IL1RAPL2: variants seen among roughly 807,000 people sequenced by gnomAD.
IL1RAPL2 encodes the protein interleukin 1 receptor accessory protein like 2, also known as X-linked interleukin-1 receptor accessory protein-like 2.
A neutral mutation model predicts 44.1 loss-of-function variants in IL1RAPL2; 3 were observed. The observed-to-expected ratio is 0.07, with a 90% confidence interval of 0.03 to 0.18. IL1RAPL2 has a LOEUF of 0.18. Among genes scored for constraint, IL1RAPL2 ranks in the 10% least tolerant of loss-of-function variants. IL1RAPL2 has a pLI of 1.00. For missense variants in IL1RAPL2, 391 were observed against 496.4 expected (o/e 0.79, Z 2.02); for synonymous variants, 181 against 178.8 (o/e 1.01, Z -0.10).
intron 6 of IL1RAPL2, among the ~76,000 whole-genome samples, chrX:105,550,705 T>C (rs1440610780): frequency 9.0e-6 from 1 of 111,305 alleles, no homozygotes; most frequent in Non-Finnish European, 1.9e-5. Context: ...AGAAAAGAGA[T>C]TTTTTAAATG....
rs1236121795 is a variant in IL1RAPL2 at position 104,851,392 on chromosome X, G to T, written c.82+192397G>T. 2.7e-5 allele frequency among the ~76,000 whole-genome samples: 3 copies of T among 111,698 alleles called. No individual in the cohort carries two copies. The East Asian group carries it at 8.4e-4, about 31-fold the overall frequency. ...TAAACTAGAGTTCTCAAACCAGAAG[G>T]ATCCTTGTCTTTATATCAGAAAGTG... On this transcript the variant is annotated intron_variant, in intron 2 of 10. Coordinates refer to ENST00000372582, the MANE Select transcript of IL1RAPL2 (RefSeq NM_017416.2).
At chrX:105,388,576 G>C (rs1416601827) in intron 5 of IL1RAPL2, among the ~76,000 whole-genome samples, 2 of 110,182 alleles carry the variant, frequency 1.8e-5, no homozygotes, top group Admixed American at 9.8e-5. Flanking sequence ...AGAAAAAGGA[G>C]AGACAGAGCA....
rs1399291411 is a variant in IL1RAPL2, at chrX:104,947,680, T to A, written c.83-247795T>A. ...ACCATTTATTAAATAGGGAATCCTT[T>A]CCCCATTTCTTGTTTTTGTCAGGTT... On this transcript the variant is annotated intron_variant, in intron 2 of 10. Transcript: ENST00000372582. Among the ~76,000 whole-genome samples, 9 of 110,678 alleles carry A rather than the reference T, an allele frequency of 8.1e-5. No individual in the cohort carries two copies. The East Asian group carries it at 2.6e-3, about 32-fold the overall frequency.
intron 5 of IL1RAPL2, among the ~76,000 whole-genome samples, chrX:105,363,933 T>C (rs2035273240): frequency 9.0e-6 from 1 of 111,703 alleles, no homozygotes; most frequent in South Asian, 3.7e-4. Flanking sequence ...CTGTGCAAAT[T>C]CTTTTTAGTT....
At chrX:105,163,082 C>T (rs1160313811) in intron 2 of IL1RAPL2, among the ~76,000 whole-genome samples, 1 of 111,782 alleles carries the variant, frequency 8.9e-6, no homozygotes, top group Non-Finnish European at 1.9e-5. Context: ...CTAAATCTGG[C>T]TCACCAGCTG....
intron 2 of IL1RAPL2, among the ~76,000 whole-genome samples, chrX:104,931,993 TA>T (rs1470320805): frequency 0.16 from 5,192 of 32,358 alleles, 408 homozygotes; most frequent in African/African-American, 0.36. Flanking sequence ...TATATATATA[TA>T]TATTTTTTTT....
intron 7 of IL1RAPL2, among the ~76,000 whole-genome samples, chrX:105,730,358 T>C (rs2038396037): frequency 9.0e-6 from 1 of 111,302 alleles, no homozygotes; most frequent in Admixed American, 9.6e-5. Context: ...AGCACCCAGA[T>C]ATATAAAGCA....
intron 6 of IL1RAPL2, among the ~76,000 whole-genome samples, chrX:105,560,511 C>A (rs1027720764): frequency 9.0e-6 from 1 of 111,101 alleles, no homozygotes; most frequent in African/African-American, 3.3e-5. Context: ...CTCTGCCACC[C>A]GGGTTCAAGT....
At chrX:104,780,416 G>T (rs1313353054) in intron 2 of IL1RAPL2, among the ~76,000 whole-genome samples, 1 of 111,821 alleles carries the variant, frequency 8.9e-6, no homozygotes, top group Non-Finnish European at 1.9e-5. Flanking sequence ...GGCCCCATAT[G>T]CAAGGACTGA....
At chrX:105,225,070 G>T (rs144649154) in intron 3 of IL1RAPL2, among the ~76,000 whole-genome samples, 73 of 111,808 alleles carry the variant, frequency 6.5e-4, no homozygotes, top group African/African-American at 2.3e-3. Flanking sequence ...TTGGTAGTCA[G>T]ATTTTGAACA....
At chrX:104,945,337 A>C (rs992250295) in intron 2 of IL1RAPL2, among the ~76,000 whole-genome samples, 2 of 111,234 alleles carry the variant, frequency 1.8e-5, no homozygotes, top group African/African-American at 6.5e-5. Context: ...GAGAGTGTTC[A>C]CGTTCACAAA....
intron 1 of IL1RAPL2, chrX:104,647,435 T>C: frequency 1.6e-6 from 1 of 606,764 alleles, no homozygotes; most frequent in Non-Finnish European, 2.8e-6. Context: ...TTCCTGCTGA[T>C]CCACCTCTTT....
intron 2 of IL1RAPL2, among the ~76,000 whole-genome samples, chrX:104,836,675 C>T (rs905451086): frequency 4.5e-5 from 5 of 111,490 alleles, no homozygotes; most frequent in African/African-American, 1.6e-4. Flanking sequence ...TATTTATATA[C>T]AAGTGAATTA....
intron 5 of IL1RAPL2, among the ~76,000 whole-genome samples, chrX:105,423,874 A>G (rs2035790061): frequency 9.0e-6 from 1 of 110,725 alleles, no homozygotes; most frequent in Non-Finnish European, 1.9e-5. Context: ...AAGTAAAAAA[A>G]AAAAAAAGGG....
rs150903254 is a variant in IL1RAPL2, at chrX:105,440,369, T to C, written c.698-43944T>C. ...TTTTAGGTTTAAGTGAAGCACAATA[T>C]ATTTTTATAATCCTTCAATAGTGAA... On this transcript the variant is annotated intron_variant, in intron 5 of 10. Coordinates refer to ENST00000372582, the MANE Select transcript of IL1RAPL2 (RefSeq NM_017416.2). Among the ~76,000 whole-genome samples the C allele has an allele frequency of 5.5e-3, 613 of 112,420 alleles. 5 individuals are homozygous for C. Among genetic ancestry groups the C allele is most frequent in the African/African-American group, 0.018 (567 of 30,990 alleles).
At chrX:104,791,155 C>T (rs182961857) in intron 2 of IL1RAPL2, among the ~76,000 whole-genome samples, 211 of 109,718 alleles carry the variant, frequency 1.9e-3, no homozygotes, top group African/African-American at 6.7e-3. Context: ...CTCTCTCTCC[C>T]TCTGCCTTGC....
intron 5 of IL1RAPL2, chrX:105,405,876 T>G: frequency 8.6e-7 from 1 of 1,166,120 alleles, no homozygotes; most frequent in Non-Finnish European, 1.2e-6. Context: ...CACCAGTGTG[T>G]ATAATGGGAA....
chrX:105,354,678 A>G (rs1169567553), intron 5 of IL1RAPL2, among the ~76,000 whole-genome samples: 3 of 111,339 alleles, frequency 2.7e-5, no homozygotes, highest in African/African-American at 9.8e-5. Flanking sequence ...TATATTCTAA[A>G]CAGTCATGAT....
chrX:105,665,734 G>GTTTTTTTT (rs751379332), intron 6 of IL1RAPL2, among the ~76,000 whole-genome samples: 1 of 62,500 alleles, frequency 1.6e-5, no homozygotes, highest in African/African-American at 6.2e-5. Context: ...TTGTTTTTTT[G>GTTTTTTTT]TTTTTTTGTT....
Sources: gnomAD v4.1 joint callset for allele counts (sites outside exome capture counted in the v4.1 genomes callset) on GRCh38, gnomAD v4.1.1 for gene constraint, MANE v1.5 for transcripts, NCBI Gene and HGNC (gene_info 2026-07-23, HGNC 2026-07-21) for gene names.